Variants in SENP7 observed in about 807,000 individuals in gnomAD.
SENP7 encodes the protein SUMO specific peptidase 7, also known as sentrin-specific protease 7.
Under a neutral mutation model 141.2 loss-of-function variants are expected in SENP7, and 64 were observed. That is an observed-to-expected ratio of 0.45 (90% CI 0.37 to 0.56). The LOEUF (loss-of-function observed/expected upper bound fraction) is 0.56. Among genes scored for constraint, SENP7 ranks in the 20% least tolerant of loss-of-function variants. SENP7 has a pLI of 0.00. For synonymous variants in SENP7, 382 were observed against 426.4 expected (o/e 0.90, Z 1.28); for missense variants, 1,025 against 1,212.2 (o/e 0.85, Z 2.29).
At chr3:101,371,469 T>C (rs1020431087) in intron 7 of SENP7, among the ~76,000 whole-genome samples, 1 of 152,216 alleles carries the variant, frequency 6.6e-6, no homozygotes, top group African/African-American at 2.4e-5. Context: ...ATATTTTTAA[T>C]TCTTGAAAGA....
intron 3 of SENP7, among the ~76,000 whole-genome samples, chr3:101,473,360 A>T (rs2064085872): frequency 6.6e-6 from 1 of 152,154 alleles, no homozygotes; most frequent in African/African-American, 2.4e-5. Context: ...AACACTTTAT[A>T]ACCATTCCTT....
At chr3:101,450,039 C>CA (rs1253698612) in intron 4 of SENP7, among the ~76,000 whole-genome samples, 1 of 151,754 alleles carries the variant, frequency 6.6e-6, no homozygotes, top group East Asian at 1.9e-4. Context: ...AAATGGAAAA[C>CA]AAAAAAGGCA....
At chr3:101,423,463 A>G (rs2061850286) in intron 4 of SENP7, among the ~76,000 whole-genome samples, 1 of 152,168 alleles carries the variant, frequency 6.6e-6, no homozygotes, top group African/African-American at 2.4e-5. Flanking sequence ...TGGGAATATA[A>G]TACGGCACAA....
intron 10 of SENP7, chr3:101,363,203 A>C: frequency 2.7e-6 from 2 of 734,092 alleles, no homozygotes; most frequent in Non-Finnish European, 3.3e-6. Context: ...TTATTCCCTA[A>C]GTAAAAAAGG....
intron 4 of SENP7, among the ~76,000 whole-genome samples, chr3:101,427,878 G>A (rs903107937): frequency 1.7e-4 from 26 of 151,972 alleles, no homozygotes; most frequent in Admixed American, 7.2e-4. Context: ...CCTGGTGTGT[G>A]ATGTTCCCTG....
intron 4 of SENP7, among the ~76,000 whole-genome samples, chr3:101,443,921 C>T (rs372035641): frequency 3.8e-4 from 57 of 151,172 alleles, no homozygotes; most frequent in African/African-American, 1.3e-3. Context: ...AGCTTCTGCA[C>T]AGCAAAAGAA....
intron 6 of SENP7, among the ~76,000 whole-genome samples, chr3:101,374,136 C>A (rs1258139849): frequency 1.3e-5 from 2 of 151,866 alleles, no homozygotes; most frequent in East Asian, 3.9e-4. Flanking sequence ...AAAACAGAAC[C>A]CAGGAACAAA....
intron 13 of SENP7, among the ~76,000 whole-genome samples, chr3:101,344,194 A>G (rs1021946058): frequency 6.6e-6 from 1 of 152,236 alleles, no homozygotes; most frequent in Non-Finnish European, 1.5e-5. Flanking sequence ...ACTGATTGCT[A>G]TATCTGCAGT....
chr3:101,344,206 C>G (rs1321495206), intron 13 of SENP7, among the ~76,000 whole-genome samples: 1 of 152,092 alleles, frequency 6.6e-6, no homozygotes, highest in Non-Finnish European at 1.5e-5. Context: ...ATCTGCAGTG[C>G]CTGACATTTA....
At chr3:101,396,745 A>G (rs976001395) in intron 6 of SENP7, among the ~76,000 whole-genome samples, 1 of 152,204 alleles carries the variant, frequency 6.6e-6, no homozygotes, top group African/African-American at 2.4e-5. Context: ...ATAAGACACA[A>G]TACCTCTTCT....
chr3:101,422,567 T>C (rs924268187), intron 4 of SENP7, among the ~76,000 whole-genome samples: 2 of 152,178 alleles, frequency 1.3e-5, no homozygotes, highest in Non-Finnish European at 1.5e-5. Context: ...TATACTTAGG[T>C]AGGCTGGTTC....
intron 3 of SENP7, among the ~76,000 whole-genome samples, chr3:101,476,785 T>C (rs1024447791): frequency 2.6e-5 from 4 of 152,212 alleles, no homozygotes; most frequent in African/African-American, 4.8e-5. Context: ...TTTTTAATGA[T>C]TGCCATTCTA....
rs544034716 is a variant in SENP7, at chr3:101,481,902, C to T, written c.186+11971G>A. Among the ~76,000 whole-genome samples, 27 of 152,210 alleles carry T rather than the reference C, an allele frequency of 1.8e-4. No homozygotes were observed. The East Asian group carries it at 2.5e-3, about 14-fold the overall frequency. ...AACTGAAACCAATAAGCAATTACAGCGAGGTTGCATGATACAAGATTAATA... is the reference window on the plus strand; with the variant it reads ...AACTGAAACCAATAAGCAATTACAGTGAGGTTGCATGATACAAGATTAATA... On this transcript the variant is annotated intron_variant, in intron 3 of 23. Coordinates refer to ENST00000394095, the MANE Select transcript of SENP7 (RefSeq NM_020654.5).
chr3:101,356,890 A>G (rs1303674911), intron 11 of SENP7, among the ~76,000 whole-genome samples: 1 of 152,196 alleles, frequency 6.6e-6, no homozygotes, highest in Non-Finnish European at 1.5e-5. Flanking sequence ...AACCCCCTTT[A>G]TATTTGTAAC....
At chr3:101,427,100 A>T (rs911298172) in intron 4 of SENP7, among the ~76,000 whole-genome samples, 3 of 152,188 alleles carry the variant, frequency 2.0e-5, no homozygotes, top group Non-Finnish European at 4.4e-5. Context: ...AACAAAATAC[A>T]GGCAAATCAA....
At chr3:101,372,862 G>GA (rs1290358869) in intron 6 of SENP7, among the ~76,000 whole-genome samples, 1 of 151,718 alleles carries the variant, frequency 6.6e-6, no homozygotes, top group Non-Finnish European at 1.5e-5. Context: ...ATTTAAATCT[G>GA]AAAAAATAGG....
chr3:101,331,547 C>A (rs1010658032), intron 19 of SENP7, among the ~76,000 whole-genome samples: 2 of 80,094 alleles, frequency 2.5e-5, no homozygotes, highest in African/African-American at 4.4e-5. Context: ...TTAAAACAAG[C>A]AAAAAATGTC....
chr3:101,332,327 C>A (rs928033012), intron 18 of SENP7, among the ~76,000 whole-genome samples: 2 of 152,094 alleles, frequency 1.3e-5, no homozygotes, highest in Non-Finnish European at 2.9e-5. Context: ...CTGAGTAGTT[C>A]AAATTTATTT....
chr3:101,475,391 A>G (rs1032637090), intron 3 of SENP7, among the ~76,000 whole-genome samples: 1 of 152,226 alleles, frequency 6.6e-6, no homozygotes, highest in East Asian at 1.9e-4. Context: ...GAAAAAGATC[A>G]TGTCCTTTGC....
Sources: gnomAD v4.1 joint callset for allele counts (sites outside exome capture counted in the v4.1 genomes callset) on GRCh38, gnomAD v4.1.1 for gene constraint, MANE v1.5 for transcripts, NCBI Gene and HGNC (gene_info 2026-07-23, HGNC 2026-07-21) for gene names.